The following PIP5K1C variants were observed in gnomAD, a reference collection of about 807,000 sequenced individuals.
PIP5K1C encodes the protein phosphatidylinositol 4-phosphate 5-kinase type-1 gamma.
In PIP5K1C, 45 loss-of-function variants were observed where a neutral mutation model predicts 80.1. The observed-to-expected ratio is 0.56, with a 90% CI of 0.44 to 0.72. PIP5K1C has a LOEUF of 0.72. Among genes scored for constraint, PIP5K1C ranks in the 30% least tolerant of loss-of-function variants. PIP5K1C has a pLI of 0.00. For missense variants in PIP5K1C, 753 were observed against 954.6 expected, an observed-to-expected ratio of 0.79 and a Z score of 2.78; for synonymous variants, 498 against 420.1, an observed-to-expected ratio of 1.19 and a Z score of -2.27.
chr19:3,696,655 C>T lies in PIP5K1C; in HGVS notation c.94+3642G>A, dbSNP rs1476209112. On this transcript the variant is annotated intron_variant, in intron 1 of 17. Coordinates refer to ENST00000335312, the MANE Select transcript of PIP5K1C (RefSeq NM_012398.3). This position sits in a 1 kb window ranked among gnomAD's most constrained non-coding sequence, Gnocchi z 4.1. ...AAAGGCCCCGGGGCAGGACCATGCC[C>T]TGCATGCTGGAGGAACAGCAAGGGG... is the stretch of plus-strand genomic sequence containing the variant. Among the ~76,000 whole-genome samples the T allele has an allele frequency of 6.8e-6, 1 of 146,610 alleles. No individual in the cohort carries two copies. The highest frequency in any genetic ancestry group is 1.5e-5 in the Non-Finnish European group (1 of 67,058).
intron 1 of PIP5K1C, among the ~76,000 whole-genome samples, chr19:3,677,167 T>C (rs902240665): frequency 1.3e-5 from 2 of 151,966 alleles, no homozygotes; most frequent in Non-Finnish European, 2.9e-5. Context: ...TTATGGGAAA[T>C]GCCTTAATGT....
chr19:3,661,002 G>T lies in PIP5K1C; in HGVS notation c.432C>A (p.Phe144Leu). 1 of 1,614,014 alleles carries T rather than the reference G, an allele frequency of 6.2e-7. No homozygotes were observed. Among genetic ancestry groups the T allele is most frequent in the South Asian group, 1.1e-5 (1 of 91,080 alleles). The stretch of plus-strand genomic sequence containing the variant: ...CTGGCCGGATCCCAAAGAGCTCCCG[G>T]AAGTAGCGGAAGGCGACAGGTGCAT... ...KTYAPVAFRY[F>L]RELFGIRPDD... Residue 144 changes from phenylalanine to leucine, a missense_variant, in exon 5 of 18, where the codon TTC (phenylalanine) becomes TTA (leucine). Transcript: ENST00000335312.
At chr19:3,668,813 A>C (rs2035105807) in intron 1 of PIP5K1C, among the ~76,000 whole-genome samples, 1 of 152,146 alleles carries the variant, frequency 6.6e-6, no homozygotes, top group Non-Finnish European at 1.5e-5. Context: ...GTCTGAGCTC[A>C]GTGCCGAACA....
At chr19:3,649,143 G>A (rs2034360561) in intron 8 of PIP5K1C, among the ~76,000 whole-genome samples, 1 of 25,898 alleles carries the variant, frequency 3.9e-5, no homozygotes, top group Non-Finnish European at 6.8e-5. Flanking sequence ...CAGCGCGGGA[G>A]TTAACTGTCA....
chr19:3,637,594 C>T lies in PIP5K1C; in HGVS notation c.1920+1290G>A, dbSNP rs888807055. The T allele has an allele frequency of 6.4e-5, 98 of 1,528,894 alleles. No individual in the cohort carries two copies. The highest frequency in any genetic ancestry group is 1.7e-4 in the Middle Eastern group (1 of 5,978). The allele number at this position is 1,528,894 out of a possible 1,614,324, so 94.7% of individuals were successfully genotyped here. A position where few individuals can be genotyped will look rare whatever the true frequency, so the allele number is the denominator to read the frequency against. On this transcript the variant is annotated intron_variant, in intron 16 of 17. Coordinates refer to ENST00000335312, the MANE Select transcript of PIP5K1C (RefSeq NM_012398.3). This position sits in a 1 kb window ranked among gnomAD's most constrained non-coding sequence, Gnocchi z 7.0. ...TCGGCGATGGCGGGGAGAGTAAATC[C>T]AGTACCTCCCATCCGTGAACTGGAC...
chr19:3,697,854 C>T (rs1026918198), intron 1 of PIP5K1C, among the ~76,000 whole-genome samples: 5 of 152,244 alleles, frequency 3.3e-5, no homozygotes, highest in East Asian at 1.9e-4. Context: ...TCCCAAGCCC[C>T]GGCCTTCCCG....
Position 3,632,949 on chromosome 19 carries a change from G to C in PIP5K1C, c.*218C>G. The C allele has an allele frequency of 3.8e-6, 2 of 532,114 alleles. No individual in the cohort carries two copies. The highest frequency in any genetic ancestry group is 5.2e-5 in the South Asian group (2 of 38,574). 33.0% of individuals were successfully genotyped at this position (532,114 alleles called of 1,614,324 possible). A position where few individuals can be genotyped will look rare whatever the true frequency, so the allele number is the denominator to read the frequency against. On this transcript the variant is annotated 3_prime_UTR_variant, in exon 18 of 18. Coordinates refer to ENST00000335312, the MANE Select transcript of PIP5K1C (RefSeq NM_012398.3). ...TGCGATTGGCCGCTCGGGAGGGTGGGTCTCACAGGGGCAGGCTGCCGACCG... is the reference window on the plus strand; with the variant it reads ...TGCGATTGGCCGCTCGGGAGGGTGGCTCTCACAGGGGCAGGCTGCCGACCG...
In PIP5K1C at chr19:3,637,932, G is replaced by GT. The variant is rs1568308852; in HGVS notation, c.1920+951dup. 1 of 1,535,262 alleles carries GT rather than the reference G, an allele frequency of 6.5e-7. No individual in the cohort carries two copies. Among genetic ancestry groups the GT allele is most frequent in the African/African-American group, 1.4e-5 (1 of 73,146 alleles). ...GAAAAGGGGTGACGACGTGCGGTGG[G>GT]TAGGGGCACAGGCACGCGGCCCGTC... On this transcript the variant is annotated intron_variant, in intron 16 of 17. Coordinates refer to ENST00000335312, the MANE Select transcript of PIP5K1C (RefSeq NM_012398.3). This position sits in a 1 kb window ranked among gnomAD's most constrained non-coding sequence, Gnocchi z 7.0.
At chr19:3,691,370 C>T (rs546964178) in intron 1 of PIP5K1C, among the ~76,000 whole-genome samples, 3 of 152,278 alleles carry the variant, frequency 2.0e-5, no homozygotes, top group Admixed American at 2.0e-4. Context: ...CCAGGGTAAG[C>T]GGATTCCTAA....
chr19:3,637,582 G>A lies in PIP5K1C; in HGVS notation c.1920+1302C>T. The stretch of plus-strand genomic sequence containing the variant: ...CACGGCCCGCAGTCGGCGATGGCGG[G>A]GAGAGTAAATCCAGTACCTCCCATC... On this transcript the variant is annotated intron_variant, in intron 16 of 17. Coordinates refer to ENST00000335312, the MANE Select transcript of PIP5K1C (RefSeq NM_012398.3). This position sits in a 1 kb window ranked among gnomAD's most constrained non-coding sequence, Gnocchi z 7.0. 1.3e-6 allele frequency: 2 copies of A among 1,509,140 alleles called. No individual in the cohort carries two copies. The highest frequency in any genetic ancestry group is 2.6e-5 in the East Asian group (1 of 39,114). 93.5% of individuals were successfully genotyped at this position (1,509,140 alleles called of 1,614,324 possible).
chr19:3,666,356 C>T lies in PIP5K1C; in HGVS notation c.126+966G>A, dbSNP rs370310770. On this transcript the variant is annotated intron_variant, in intron 2 of 17. Coordinates refer to ENST00000335312, the MANE Select transcript of PIP5K1C (RefSeq NM_012398.3). Reference sequence around the variant, plus strand: ...CACTGGGGCTGGGAAGAAGGCCACTCGGCGCCACGGGGCTGGCAGAAGCTG... The same window carrying T: ...CACTGGGGCTGGGAAGAAGGCCACTTGGCGCCACGGGGCTGGCAGAAGCTG... 1.2e-4 allele frequency among the ~76,000 whole-genome samples: 18 copies of T among 152,342 alleles called. No individual in the cohort carries two copies. The South Asian group carries it at 2.9e-3, about 25-fold the overall frequency.
chr19:3,683,624 G>A (rs567591771), intron 1 of PIP5K1C, among the ~76,000 whole-genome samples: 3 of 152,340 alleles, frequency 2.0e-5, no homozygotes, highest in Non-Finnish European at 4.4e-5. Context: ...GCCTGATCAT[G>A]CAGCAAAAAT....
In PIP5K1C at chr19:3,698,958, C is replaced by A. The variant is rs568038291; in HGVS notation, c.94+1339G>T. Among the ~76,000 whole-genome samples, 754 of 150,360 alleles carry A rather than the reference C, an allele frequency of 5.0e-3. 7 individuals carry two copies. The highest frequency in any genetic ancestry group is 6.5e-3 in the Non-Finnish European group (440 of 67,354). On this transcript the variant is annotated intron_variant, in intron 1 of 17. Coordinates refer to ENST00000335312, the MANE Select transcript of PIP5K1C (RefSeq NM_012398.3). ...CCCCACCCCCACCCCCCCACTCCCC[C>A]GCTCTCCCACCCCACCACCATGCTC...
Position 3,696,658 on chromosome 19 carries a change from C to A in PIP5K1C, c.94+3639G>T, listed in dbSNP as rs2036111298. ...GGCCCCGGGGCAGGACCATGCCCTG[C>A]ATGCTGGAGGAACAGCAAGGGGCCC... On this transcript the variant is annotated intron_variant, in intron 1 of 17. Coordinates refer to ENST00000335312, the MANE Select transcript of PIP5K1C (RefSeq NM_012398.3). This position sits in a 1 kb window ranked among gnomAD's most constrained non-coding sequence, Gnocchi z 4.1. Among the ~76,000 whole-genome samples, 3 of 134,756 alleles carry A rather than the reference C, an allele frequency of 2.2e-5. No individual in the cohort carries two copies. In the Admixed American group the frequency reaches 2.7e-4, roughly 12 times the overall value. 88.4% of individuals were successfully genotyped at this position (134,756 alleles called of 152,430 possible).
At chr19:3,641,960 G>T in intron 14 of PIP5K1C, 151 bp from the exon 15 acceptor site, 1 of 698,478 alleles carries the variant, frequency 1.4e-6, no homozygotes, top group Non-Finnish European at 2.6e-6. Context: ...CTCCCAGCCC[G>T]GGGACTGTCC....
At chr19:3,653,083 G>A (rs561995259) in intron 7 of PIP5K1C, among the ~76,000 whole-genome samples, 9 of 152,362 alleles carry the variant, frequency 5.9e-5, no homozygotes, top group Middle Eastern at 3.4e-3. Flanking sequence ...GATCCCAGGC[G>A]TGAGCCACTG....
chr19:3,680,654 G>C (rs1285721160), intron 1 of PIP5K1C, among the ~76,000 whole-genome samples: 2 of 152,202 alleles, frequency 1.3e-5, no homozygotes, highest in South Asian at 4.1e-4. Context: ...GGAAAGCACA[G>C]AATCACATAA....
At chr19:3,650,860 G>C (rs901302271) in intron 8 of PIP5K1C, among the ~76,000 whole-genome samples, 1 of 151,964 alleles carries the variant, frequency 6.6e-6, no homozygotes, top group African/African-American at 2.4e-5. Flanking sequence ...GGGTTCAAGC[G>C]ATTCTCCTGC....
intron 16 of PIP5K1C, chr19:3,636,414 T>G (rs567652327): frequency 2.0e-6 from 2 of 985,432 alleles, no homozygotes; most frequent in Non-Finnish European, 2.4e-6. Flanking sequence ...CTGCTGTGCC[T>G]GCTGCCGAGA....
Sources: allele counts gnomAD v4.1 joint callset (sites outside exome capture counted in the v4.1 genomes callset), GRCh38; gene constraint gnomAD v4.1.1; non-coding constraint Gnocchi (gnomAD v3.1); transcripts MANE v1.5; gene names NCBI Gene and HGNC (gene_info 2026-07-23, HGNC 2026-07-21).